PCDH7: variants seen among roughly 807,000 people sequenced by gnomAD.
PCDH7 encodes protocadherin 7, also known as protocadherin-7.
Under a neutral mutation model 58.9 loss-of-function variants are expected in PCDH7, and 17 were observed. The observed-to-expected ratio is 0.29, with a 90% CI of 0.20 to 0.43. The LOEUF is 0.43. Ranked by LOEUF, PCDH7 falls within the 20% of genes least tolerant of loss-of-function variation. PCDH7 has a pLI of 1.00. For synonymous variants in PCDH7, 664 were observed against 616.4 expected, an observed-to-expected ratio of 1.08 and a Z score of -1.14; for missense variants, 1,274 against 1,441.0, an observed-to-expected ratio of 0.88 and a Z score of 1.88.
rs778761077 is a variant in PCDH7 at position 30,722,140 on chromosome 4, C to T, written c.718C>T (p.Arg240Cys). The T allele has an allele frequency of 1.4e-5, 21 of 1,464,632 alleles. No individual in the cohort carries two copies. Among genetic ancestry groups the T allele is most frequent in the Non-Finnish European group, 1.8e-5 (20 of 1,111,302 alleles). The allele number at this position is 1,464,632 out of a possible 1,614,324, so 90.7% of individuals were successfully genotyped here. A position where few individuals can be genotyped will look rare whatever the true frequency, so the allele number is the denominator to read the frequency against. The stretch of plus-strand genomic sequence containing the variant: ...CGGCGGCGGCACCAACCCCGGCGGC[C>T]GCAGCAGCGTGTTCGAGCTGCAGGT... The change falls in exon 1 of 2, where the codon CGC (arginine) becomes TGC (cysteine). Residue 240 changes from arginine to cysteine, a missense_variant. Coordinates refer to ENST00000361762, the Ensembl canonical transcript of PCDH7. The surrounding 1 kb of genome is among the most constrained non-coding windows in gnomAD (Gnocchi z 7.6).
chr4:31,121,839 AT>A (rs1010172443), intron 3 of PCDH7, among the ~76,000 whole-genome samples: 7 of 152,244 alleles, frequency 4.6e-5, no homozygotes, highest in African/African-American at 1.7e-4. Context: ...AAGAAAAAAA[AT>A]ATGTGGGTCT....
At chr4:30,859,511 C>T (rs1208990390) in intron 1 of PCDH7, among the ~76,000 whole-genome samples, 1 of 151,410 alleles carries the variant, frequency 6.6e-6, no homozygotes, top group Non-Finnish European at 1.5e-5. Context: ...GCAATCTCGA[C>T]TCACTGCAAC....
chr4:31,134,586 A>G (rs779152974), intron 3 of PCDH7, among the ~76,000 whole-genome samples: 2 of 152,348 alleles, frequency 1.3e-5, no homozygotes, highest in South Asian at 4.1e-4. Flanking sequence ...TCAGGGGCCT[A>G]TTGCTTTGTC....
chr4:30,734,077 A>C (rs1202281793), downstream of PCDH7, among the ~76,000 whole-genome samples: 4 of 152,002 alleles, frequency 2.6e-5, no homozygotes, highest in African/African-American at 9.6e-5. Context: ...CTTAAAAAAA[A>C]ACACACAAAA....
chr4:30,724,785 G>A, intron 1 of PCDH7, 189 bp downstream of exon 1: 3 of 1,407,314 alleles, frequency 2.1e-6, no homozygotes, highest in Non-Finnish European at 2.8e-6. Flanking sequence ...ACTGTATTTT[G>A]CAAATTAGAA....
chr4:30,858,259 C>A (rs1281288467), intron 1 of PCDH7, among the ~76,000 whole-genome samples: 3 of 152,080 alleles, frequency 2.0e-5, no homozygotes. Context: ...ATCACTAATT[C>A]AGCAGAAGCC....
intron 1 of PCDH7, among the ~76,000 whole-genome samples, chr4:30,862,876 T>C (rs955963670): frequency 5.3e-5 from 8 of 152,130 alleles, no homozygotes; most frequent in Admixed American, 4.6e-4. Flanking sequence ...ACTGATTTAG[T>C]GTCGCCCTGA....
intron 3 of PCDH7, among the ~76,000 whole-genome samples, chr4:31,095,731 A>C (rs1265156729): frequency 6.6e-6 from 1 of 152,134 alleles, no homozygotes; most frequent in African/African-American, 2.4e-5. Context: ...CATCCCTTTA[A>C]AACAGTGAAA....
chr4:31,099,171 A>G (rs543088763), intron 3 of PCDH7, among the ~76,000 whole-genome samples: 5 of 152,220 alleles, frequency 3.3e-5, no homozygotes, highest in Non-Finnish European at 7.3e-5. Flanking sequence ...CAATCTGGCT[A>G]ACACTGGTGC....
intron 1 of PCDH7, among the ~76,000 whole-genome samples, chr4:30,883,652 C>T (rs1737293101): frequency 6.6e-6 from 1 of 152,168 alleles, no homozygotes; most frequent in Non-Finnish European, 1.5e-5. Context: ...ATATTTTCTC[C>T]TCTCTTCTCC....
chr4:30,860,837 C>T (rs1184932191), intron 1 of PCDH7, among the ~76,000 whole-genome samples: 1 of 152,022 alleles, frequency 6.6e-6, no homozygotes, highest in East Asian at 1.9e-4. Context: ...GTTTAAGGCT[C>T]AAGGAGGAAG....
chr4:30,945,001 C>T (rs569473633), intron 2 of PCDH7, among the ~76,000 whole-genome samples: 103 of 152,026 alleles, frequency 6.8e-4, no homozygotes, highest in African/African-American at 2.4e-3. Context: ...GTTTTTAATG[C>T]AACTAAATCT....
rs544107915 is a variant in PCDH7, at chr4:31,079,306, G to A, written c.*8-63167G>A. ...TGTGTAAAAGATATTTACAATACTG[G>A]AAGATATATATATATATATATATAT... On this transcript the variant is annotated intron_variant, in intron 3 of 3. Coordinates refer to the PCDH7 transcript ENST00000509759. Among the ~76,000 whole-genome samples, 5 of 65,226 alleles carry A rather than the reference G, an allele frequency of 7.7e-5. No homozygotes were observed. In the Admixed American group the frequency reaches 1.1e-3, roughly 14 times the overall value. The allele number at this position is 65,226 out of a possible 152,430, so 42.8% of individuals were successfully genotyped here. A position where few individuals can be genotyped will look rare whatever the true frequency, so the allele number is the denominator to read the frequency against.
intron 2 of PCDH7, among the ~76,000 whole-genome samples, chr4:30,938,965 A>T (rs1335076337): frequency 6.6e-6 from 1 of 152,166 alleles, no homozygotes; most frequent in Admixed American, 6.5e-5. Context: ...AGGTAAAAAT[A>T]TACAAATATA....
intron 2 of PCDH7, among the ~76,000 whole-genome samples, chr4:30,929,184 A>C (rs1211163379): frequency 6.6e-6 from 1 of 152,182 alleles, no homozygotes; most frequent in Non-Finnish European, 1.5e-5. Flanking sequence ...AGATGATTAA[A>C]TTACATTAGA....
chr4:30,910,723 G>A (rs188435308), intron 1 of PCDH7, among the ~76,000 whole-genome samples: 5 of 152,266 alleles, frequency 3.3e-5, no homozygotes, highest in African/African-American at 1.2e-4. Flanking sequence ...GCATAAATTA[G>A]TTCAACCATT....
rs949270340 is a variant in PCDH7, at chr4:30,805,723, T to C, written c.70+81127T>C. On this transcript the variant is annotated intron_variant, in intron 1 of 3. Transcript: ENST00000509759. ...TTTCCCTCTTTATGCTGTTCCAACC[T>C]ATCAGTCATTACGTTATTTTTACTT... Among the ~76,000 whole-genome samples the C allele has an allele frequency of 4.6e-5, 7 of 152,178 alleles. 1 individual carries two copies. Among genetic ancestry groups the C allele is most frequent in the Non-Finnish European group, 1.0e-4 (7 of 68,038 alleles).
In PCDH7 at chr4:30,726,626, C is replaced by T. The variant is rs375678896; in HGVS notation, c.3174+2030C>T. Among the ~76,000 whole-genome samples, 11 of 151,998 alleles carry T rather than the reference C, an allele frequency of 7.2e-5. No homozygotes were observed. In the East Asian group the frequency reaches 1.2e-3, roughly 16 times the overall value. On this transcript the variant is annotated intron_variant, in intron 1 of 1. Coordinates refer to ENST00000361762, the Ensembl canonical transcript of PCDH7. ...TAACTGAGTAAAGAAGTCCACATTCCAAAAGAGAAAACCCTCAAAGCAATT... is the reference window on the plus strand; with the variant it reads ...TAACTGAGTAAAGAAGTCCACATTCTAAAAGAGAAAACCCTCAAAGCAATT...
chr4:31,051,415 C>T (rs1369298887), intron 3 of PCDH7, among the ~76,000 whole-genome samples: 1 of 152,104 alleles, frequency 6.6e-6, no homozygotes, highest in African/African-American at 2.4e-5. Context: ...AGCAGCAGAA[C>T]TATAGGATAC....
Sources: allele counts gnomAD v4.1 joint callset (sites outside exome capture counted in the v4.1 genomes callset), GRCh38; gene constraint gnomAD v4.1.1; non-coding constraint Gnocchi (gnomAD v3.1); transcripts MANE v1.5; gene names NCBI Gene and HGNC (gene_info 2026-07-23, HGNC 2026-07-21).